Variants in IL1RAPL2 observed in about 807,000 individuals in gnomAD.
The protein encoded by IL1RAPL2 is X-linked interleukin-1 receptor accessory protein-like 2.
Under a neutral mutation model 44.1 loss-of-function variants are expected in IL1RAPL2, and 3 were observed. That is an observed-to-expected ratio of 0.07 (90% confidence interval 0.03 to 0.18). IL1RAPL2 has a LOEUF of 0.18. Among genes scored for constraint, IL1RAPL2 ranks in the 10% least tolerant of loss-of-function variants. The pLI is 1.00. For synonymous variants in IL1RAPL2, 181 were observed against 178.8 expected, an observed-to-expected ratio of 1.01 and a Z score of -0.10; for missense variants, 391 against 496.4, an observed-to-expected ratio of 0.79 and a Z score of 2.02.
intron 2 of IL1RAPL2, among the ~76,000 whole-genome samples, chrX:105,056,018 G>A (rs1414967094): frequency 9.0e-6 from 1 of 110,871 alleles, no homozygotes; most frequent in Non-Finnish European, 1.9e-5. Context: ...GTGTGCTTAA[G>A]AAAACATTCA....
chrX:105,249,138 A>G (rs775529594), intron 4 of IL1RAPL2, among the ~76,000 whole-genome samples: 2 of 111,815 alleles, frequency 1.8e-5, no homozygotes, highest in South Asian at 7.4e-4. Context: ...TGTGGTACAT[A>G]TACACAATGG....
chrX:105,621,205 C>T (rs1463033415), intron 6 of IL1RAPL2, among the ~76,000 whole-genome samples: 1 of 111,675 alleles, frequency 9.0e-6, no homozygotes, highest in African/African-American at 3.2e-5. Context: ...CAGGCATTAT[C>T]CACAACATGT....
chrX:104,836,206 A>G (rs1921737698), intron 2 of IL1RAPL2, among the ~76,000 whole-genome samples: 1 of 111,128 alleles, frequency 9.0e-6, no homozygotes, highest in Non-Finnish European at 1.9e-5. Flanking sequence ...GGAGCTAAAA[A>G]TTGAAACAAT....
intron 2 of IL1RAPL2, among the ~76,000 whole-genome samples, chrX:105,126,047 G>C (rs1056578806): frequency 6.3e-5 from 7 of 111,223 alleles, no homozygotes; most frequent in African/African-American, 2.3e-4. Flanking sequence ...GTACCCCTCT[G>C]TAATGGCAGA....
At chrX:104,980,162 G>C (rs1002783001) in intron 2 of IL1RAPL2, among the ~76,000 whole-genome samples, 1 of 111,471 alleles carries the variant, frequency 9.0e-6, no homozygotes, top group African/African-American at 3.3e-5. Flanking sequence ...AAAGTAGATA[G>C]ATGCTGAGAA....
chrX:105,077,095 G>T (rs1262251411), intron 2 of IL1RAPL2, among the ~76,000 whole-genome samples: 3 of 111,158 alleles, frequency 2.7e-5, no homozygotes, highest in Non-Finnish European at 3.8e-5. Context: ...TATGATTTTA[G>T]CTGGTTATTT....
At chrX:105,353,671 G>A (rs1451048994) in intron 5 of IL1RAPL2, among the ~76,000 whole-genome samples, 2 of 111,131 alleles carry the variant, frequency 1.8e-5, no homozygotes, top group Admixed American at 1.9e-4. Context: ...TGGATTCCTA[G>A]GTATTTTATT....
intron 1 of IL1RAPL2, among the ~76,000 whole-genome samples, chrX:104,619,351 T>C (rs1291871989): frequency 8.9e-6 from 1 of 112,232 alleles, no homozygotes; most frequent in African/African-American, 3.2e-5. Context: ...CTCCTCAACT[T>C]ACCTCCAGGT....
chrX:105,242,766 A>T (rs1481441145), intron 4 of IL1RAPL2, among the ~76,000 whole-genome samples: 1 of 111,824 alleles, frequency 8.9e-6, no homozygotes, highest in Non-Finnish European at 1.9e-5. Flanking sequence ...TCAAGAGAAG[A>T]TGGCCAGAAA....
chrX:104,949,790 G>C (rs1045363513), intron 2 of IL1RAPL2, among the ~76,000 whole-genome samples: 5 of 111,375 alleles, frequency 4.5e-5, no homozygotes, highest in Admixed American at 9.5e-5. Flanking sequence ...GAGACAGTTT[G>C]TTATAATTTC....
Position 104,883,354 on chromosome X carries a change from C to T in IL1RAPL2, c.82+224359C>T, listed in dbSNP as rs182894467. Among the ~76,000 whole-genome samples, 425 of 111,303 alleles carry T rather than the reference C, an allele frequency of 3.8e-3. 3 individuals carry two copies. The highest frequency in any genetic ancestry group is 0.023 in the Middle Eastern group (5 of 217). ...AAGGGCTCTCTAACAACCCCCGACT[C>T]TTCGGAGTTGGGAGCGTTGGTTTGC... On this transcript the variant is annotated intron_variant, in intron 2 of 10. Transcript: ENST00000372582.
At chrX:105,188,848 A>AT (rs1364588893) in intron 2 of IL1RAPL2, among the ~76,000 whole-genome samples, 6 of 112,163 alleles carry the variant, frequency 5.3e-5, no homozygotes, top group Non-Finnish European at 7.5e-5. Context: ...AAAAATCAGT[A>AT]TTTTTTTCCA....
intron 5 of IL1RAPL2, among the ~76,000 whole-genome samples, chrX:105,401,900 A>C (rs2035608791): frequency 9.0e-6 from 1 of 110,715 alleles, no homozygotes; most frequent in Non-Finnish European, 1.9e-5. Context: ...GGAGACACAG[A>C]AAACTACTTA....
chrX:104,590,896 CT>C (rs759012193), intron 1 of IL1RAPL2, among the ~76,000 whole-genome samples: 1 of 111,927 alleles, frequency 8.9e-6, no homozygotes, highest in East Asian at 2.8e-4. Flanking sequence ...TACTCTCTTC[CT>C]TTAATCCCAC....
At chrX:104,910,800 G>A (rs1415454130) in intron 2 of IL1RAPL2, among the ~76,000 whole-genome samples, 2 of 111,731 alleles carry the variant, frequency 1.8e-5, no homozygotes, top group Non-Finnish European at 3.8e-5. Context: ...GAAATAATGG[G>A]AATGACTGGG....
At chrX:105,012,598 TTCTCTCTCTCTCTC>T (rs1174323282) in intron 2 of IL1RAPL2, among the ~76,000 whole-genome samples, 75 of 51,713 alleles carry the variant, frequency 1.5e-3, no homozygotes, top group African/African-American at 4.6e-3. Context: ...AACTTTCTCT[TTCTCTCTCTCTCTC>T]TCTCTCTCTC....
At chrX:104,686,881 G>T (rs1384823208) in intron 2 of IL1RAPL2, among the ~76,000 whole-genome samples, 1 of 112,047 alleles carries the variant, frequency 8.9e-6, no homozygotes, top group Non-Finnish European at 1.9e-5. Context: ...GTTTATGGAA[G>T]CAATGTAAAT....
At chrX:105,237,424 T>A (rs1398005373) in intron 4 of IL1RAPL2, among the ~76,000 whole-genome samples, 2 of 112,014 alleles carry the variant, frequency 1.8e-5, no homozygotes, top group African/African-American at 3.3e-5. Flanking sequence ...CGCCACACTG[T>A]CTTCCACAAT....
chrX:105,749,761 T>C (rs1395900174), intron 9 of IL1RAPL2, among the ~76,000 whole-genome samples: 1 of 112,172 alleles, frequency 8.9e-6, no homozygotes, highest in Non-Finnish European at 1.9e-5. Flanking sequence ...TGAGCTTTGT[T>C]TCTTTGAACA....
Sources: gnomAD v4.1 joint callset for allele counts (sites outside exome capture counted in the v4.1 genomes callset) on GRCh38, gnomAD v4.1.1 for gene constraint, MANE v1.5 for transcripts, NCBI Gene and HGNC (gene_info 2026-07-23, HGNC 2026-07-21) for gene names.